The following SLC25A26 variants were observed in gnomAD, a reference collection of about 807,000 sequenced individuals.
SLC25A26 encodes mitochondrial S-adenosylmethionine carrier protein.
In SLC25A26, 36 loss-of-function variants were observed where a neutral mutation model predicts 37.8. The ratio of observed to expected loss-of-function variants is 0.95; its 90% CI spans 0.73 to 1.26. The LOEUF is 1.26. SLC25A26 is among the 50% of genes most tolerant of loss of function. The probability of loss-of-function intolerance (pLI) is 0.00; values close to 1 mark genes in which losing one functional copy is unlikely to be tolerated. For synonymous variants in SLC25A26, 129 were observed against 122.5 expected, an observed-to-expected ratio of 1.05 and a Z score of -0.35; for missense variants, 390 against 331.1, an observed-to-expected ratio of 1.18 and a Z score of -1.38.
At chr3:66,245,187 C>T (rs2072771878) in intron 3 of SLC25A26, among the ~76,000 whole-genome samples, 1 of 149,124 alleles carries the variant, frequency 6.7e-6, no homozygotes, top group Non-Finnish European at 1.5e-5. Context: ...GGATCATAGG[C>T]ATGACCCACT....
chr3:66,294,058 A>T (rs1245324067), intron 5 of SLC25A26, among the ~76,000 whole-genome samples: 1 of 152,036 alleles, frequency 6.6e-6, no homozygotes, highest in Non-Finnish European at 1.5e-5. Flanking sequence ...TCCGTGAAGA[A>T]TGTCAGTGGT....
chr3:66,287,269 C>T (rs1181593330), intron 5 of SLC25A26, among the ~76,000 whole-genome samples: 1 of 150,078 alleles, frequency 6.7e-6, no homozygotes, highest in Non-Finnish European at 1.5e-5. Context: ...GCACTCTAGC[C>T]TGGGCGACAG....
chr3:66,301,468 C>T (rs942013263), intron 5 of SLC25A26, among the ~76,000 whole-genome samples: 17 of 152,238 alleles, frequency 1.1e-4, no homozygotes, highest in Non-Finnish European at 1.3e-4. Context: ...ACTTCCATGC[C>T]GGAGAGTGTG....
At chr3:66,186,928 C>T (rs2106778222) in intron 1 of SLC25A26, among the ~76,000 whole-genome samples, 1 of 152,052 alleles carries the variant, frequency 6.6e-6, no homozygotes, top group East Asian at 1.9e-4. Flanking sequence ...ACCTGATCCT[C>T]ACCCTCTACT....
At chr3:66,144,919 C>T (rs2070093555) in intron 1 of SLC25A26, among the ~76,000 whole-genome samples, 1 of 152,170 alleles carries the variant, frequency 6.6e-6, no homozygotes, top group African/African-American at 2.4e-5. Flanking sequence ...AGATGTCTGG[C>T]TGACCTAGCA....
chr3:66,209,137 T>TTATATA lies in SLC25A26; in HGVS notation c.-353-11596_-353-11591dup, dbSNP rs1231954950. ...ATACACAAAAAGATATATATACCTT[T>TTATATA]TATATATATATATACCTATACTTTT... On this transcript the variant is annotated intron_variant, in intron 1 of 10. Transcript: ENST00000676754. Among the ~76,000 whole-genome samples the TTATATA allele has an allele frequency of 9.9e-4, 93 of 94,050 alleles. 4 individuals are homozygous for TTATATA. Among genetic ancestry groups the TTATATA allele is most frequent in the Non-Finnish European group, 8.7e-4 (42 of 48,486 alleles). 61.7% of individuals were successfully genotyped at this position (94,050 alleles called of 152,430 possible).
At chr3:66,140,063 A>G (rs997705627) in intron 1 of SLC25A26, among the ~76,000 whole-genome samples, 3 of 152,218 alleles carry the variant, frequency 2.0e-5, no homozygotes, top group African/African-American at 7.2e-5. Context: ...AGCTTCAGGT[A>G]TGGCTGGTTC....
intron 5 of SLC25A26, among the ~76,000 whole-genome samples, chr3:66,305,815 C>T (rs139825887): frequency 6.6e-6 from 1 of 152,046 alleles, no homozygotes; most frequent in African/African-American, 2.4e-5. Flanking sequence ...TGAGCATATA[C>T]CCTGTAATGG....
At chr3:66,227,345 T>C (rs2071805356) in intron 1 of SLC25A26, among the ~76,000 whole-genome samples, 1 of 152,072 alleles carries the variant, frequency 6.6e-6, no homozygotes, top group Admixed American at 6.6e-5. Flanking sequence ...CCACTTTTCA[T>C]TTTTTTTGCA....
chr3:66,174,106 C>A (rs1479226502), intron 1 of SLC25A26, among the ~76,000 whole-genome samples: 2 of 151,448 alleles, frequency 1.3e-5, no homozygotes, highest in African/African-American at 4.8e-5. Context: ...GTAGAATGGG[C>A]TTGCTTTAAA....
At chr3:66,140,060 G>A (rs1449405162) in intron 1 of SLC25A26, among the ~76,000 whole-genome samples, 1 of 152,290 alleles carries the variant, frequency 6.6e-6, no homozygotes, top group African/African-American at 2.4e-5. Context: ...CAGAGCTTCA[G>A]GTATGGCTGG....
intron 5 of SLC25A26, among the ~76,000 whole-genome samples, chr3:66,290,829 A>T (rs1231733878): frequency 6.6e-6 from 1 of 152,170 alleles, no homozygotes; most frequent in African/African-American, 2.4e-5. Flanking sequence ...TTGGCCTCAT[A>T]AAATGAATTA....
At chr3:66,258,053 C>G (rs1389853081) in intron 3 of SLC25A26, among the ~76,000 whole-genome samples, 3 of 152,162 alleles carry the variant, frequency 2.0e-5, no homozygotes, top group African/African-American at 7.2e-5. Context: ...GGAAGATTGG[C>G]AGACACTGTT....
chr3:66,186,399 T>A (rs1284650328), intron 1 of SLC25A26, among the ~76,000 whole-genome samples: 2 of 152,024 alleles, frequency 1.3e-5, no homozygotes, highest in Non-Finnish European at 2.9e-5. Flanking sequence ...CTGACCATGA[T>A]GACACCTTGA....
In SLC25A26 at chr3:66,263,399, A is replaced by G. The variant is rs371924771; in HGVS notation, c.453+20A>G. Reference sequence around the variant, plus strand: ...AGAGAGGTAAGTCACTTACTTTCCAATATTGAAGTACGAAAGAATGATGTC... The same window carrying G: ...AGAGAGGTAAGTCACTTACTTTCCAGTATTGAAGTACGAAAGAATGATGTC... On this transcript the variant is annotated intron_variant, in intron 5 of 9. Transcript: ENST00000354883. The G allele has an allele frequency of 2.4e-5, 37 of 1,534,958 alleles. 1 individual carries two copies. The highest frequency in any genetic ancestry group is 3.2e-5 in the Non-Finnish European group (36 of 1,110,930).
chr3:66,365,796 C>G (rs2076811039), intron 7 of SLC25A26, among the ~76,000 whole-genome samples: 1 of 152,210 alleles, frequency 6.6e-6, no homozygotes, highest in South Asian at 2.1e-4. Flanking sequence ...CTGCACACTT[C>G]ACTGGAGGTC....
chr3:66,276,128 G>A (rs1333435230), intron 5 of SLC25A26, among the ~76,000 whole-genome samples: 1 of 152,078 alleles, frequency 6.6e-6, no homozygotes, highest in African/African-American at 2.4e-5. Context: ...ATTACTTTGG[G>A]ATCACATAAT....
chr3:66,294,410 C>A (rs992550178), intron 5 of SLC25A26, among the ~76,000 whole-genome samples: 24 of 152,164 alleles, frequency 1.6e-4, no homozygotes, highest in Non-Finnish European at 2.6e-4. Context: ...GCATAAGGAG[C>A]TTTTGGGCCG....
At position 66,143,088 on chromosome 3, in the gene SLC25A26, G is replaced by A. The variant is rs80176592; in HGVS notation, c.-354+9104G>A. Among the ~76,000 whole-genome samples, 1,186 of 151,930 alleles carry A rather than the reference G, an allele frequency of 7.8e-3. 14 individuals are homozygous for A. Among genetic ancestry groups the A allele is most frequent in the African/African-American group, 0.027 (1,119 of 41,430 alleles). On this transcript the variant is annotated intron_variant, in intron 1 of 10. Coordinates refer to the SLC25A26 transcript ENST00000676754. ...GCCTAAGCTGTCTTTTATTGCAAGCGCCTCAGCTATGAACCTAGCAATGGG... is the reference window on the plus strand; with the variant it reads ...GCCTAAGCTGTCTTTTATTGCAAGCACCTCAGCTATGAACCTAGCAATGGG...
Sources: allele counts gnomAD v4.1 joint callset (sites outside exome capture counted in the v4.1 genomes callset), GRCh38; gene constraint gnomAD v4.1.1; transcripts MANE v1.5; gene names NCBI Gene and HGNC (gene_info 2026-07-23, HGNC 2026-07-21).